Variants in PXDNL observed in about 807,000 individuals in gnomAD.
The protein encoded by PXDNL is probable oxidoreductase PXDNL.
In PXDNL, 145 loss-of-function variants were observed where a neutral mutation model predicts 150.8. The ratio of observed to expected loss-of-function variants is 0.96; its 90% CI spans 0.84 to 1.10. The LOEUF (loss-of-function observed/expected upper bound fraction) is 1.10, where lower values mean the gene tolerates loss of function less well. Among genes scored for constraint, PXDNL ranks in the 50% least tolerant of loss-of-function variants. The probability of loss-of-function intolerance (pLI) is 0.00; values close to 1 mark genes in which losing one functional copy is unlikely to be tolerated. For missense variants in PXDNL, 2,087 were observed against 1,873.9 expected (o/e 1.11, Z -2.10); for synonymous variants, 757 against 725.7 (o/e 1.04, Z -0.69).
chr8:51,400,648 A>T (rs1192328556), intron 17 of PXDNL, among the ~76,000 whole-genome samples: 1 of 152,110 alleles, frequency 6.6e-6, no homozygotes, highest in Non-Finnish European at 1.5e-5. Context: ...TTGCTCAGGC[A>T]TGTGTGTCTT....
At chr8:51,341,667 A>G (rs376055034) in intron 20 of PXDNL, among the ~76,000 whole-genome samples, 2 of 152,210 alleles carry the variant, frequency 1.3e-5, no homozygotes, top group African/African-American at 4.8e-5. Flanking sequence ...TCTGCCACTA[A>G]GAATCCAACT....
chr8:51,427,935 CTG>C (rs1809151841), intron 12 of PXDNL, among the ~76,000 whole-genome samples: 2 of 152,148 alleles, frequency 1.3e-5, no homozygotes, highest in Admixed American at 6.5e-5. Flanking sequence ...AGAGATAAAA[CTG>C]TCCCTATTTG....
intron 6 of PXDNL, among the ~76,000 whole-genome samples, chr8:51,479,036 AC>A (rs1810544139): frequency 6.6e-6 from 1 of 152,260 alleles, no homozygotes; most frequent in Non-Finnish European, 1.5e-5. Context: ...GCATACTGGC[AC>A]ATCACTGTAA....
At chr8:51,535,579 G>GCGGAAGGC (rs1812052430) in intron 4 of PXDNL, among the ~76,000 whole-genome samples, 1 of 129,424 alleles carries the variant, frequency 7.7e-6, no homozygotes, top group Non-Finnish European at 1.6e-5. Flanking sequence ...CACAAACACT[G>GCGGAAGGC]CGGAAGGCCG....
chr8:51,599,580 C>T (rs12114771), intron 2 of PXDNL, among the ~76,000 whole-genome samples: 5,278 of 148,034 alleles, frequency 0.036, 316 homozygotes, highest in African/African-American at 0.12. Context: ...GTATGAGTTG[C>T]TATTCTTATA....
intron 6 of PXDNL, among the ~76,000 whole-genome samples, chr8:51,479,133 G>A (rs1421914959): frequency 6.6e-6 from 1 of 152,164 alleles, no homozygotes; most frequent in African/African-American, 2.4e-5. Flanking sequence ...GTAAATGTAA[G>A]AGGAGGCTAG....
chr8:51,754,577 C>T (rs904640637), intron 1 of PXDNL, among the ~76,000 whole-genome samples: 19 of 152,014 alleles, frequency 1.2e-4, no homozygotes, highest in Admixed American at 8.5e-4. Flanking sequence ...GATCTCAGCT[C>T]ACTGCAAGCT....
chr8:51,372,921 G>C (rs1343251770), intron 18 of PXDNL, among the ~76,000 whole-genome samples: 1 of 151,994 alleles, frequency 6.6e-6, no homozygotes, highest in Non-Finnish European at 1.5e-5. Flanking sequence ...TCAATCCTTG[G>C]GTTCATTCAT....
intron 5 of PXDNL, among the ~76,000 whole-genome samples, chr8:51,490,533 C>T (rs1002204911): frequency 1.3e-5 from 2 of 150,934 alleles, no homozygotes; most frequent in African/African-American, 2.4e-5. Flanking sequence ...AAAATTAATG[C>T]CACAAGAATT....
At chr8:51,324,545 A>G (rs1256475220) in intron 21 of PXDNL, among the ~76,000 whole-genome samples, 1 of 152,178 alleles carries the variant, frequency 6.6e-6, no homozygotes, top group Non-Finnish European at 1.5e-5. Context: ...CTTTCTATCC[A>G]AGACCTGAAT....
At chr8:51,489,032 T>C (rs1810833303) in intron 5 of PXDNL, among the ~76,000 whole-genome samples, 1 of 152,176 alleles carries the variant, frequency 6.6e-6, no homozygotes, top group South Asian at 2.1e-4. Context: ...TGTTTTTATG[T>C]AGTAAATGTT....
chr8:51,468,989 A>G (rs1411299924), intron 8 of PXDNL, among the ~76,000 whole-genome samples: 3 of 151,978 alleles, frequency 2.0e-5, no homozygotes, highest in African/African-American at 7.2e-5. Flanking sequence ...TGCAAATCAC[A>G]TCTTTCTTAT....
chr8:51,478,956 T>C (rs1274815258), intron 6 of PXDNL, among the ~76,000 whole-genome samples: 1 of 152,188 alleles, frequency 6.6e-6, no homozygotes, highest in African/African-American at 2.4e-5. Context: ...TAAAGATAGT[T>C]TGTCAAAATA....
chr8:51,369,658 A>G (rs568304726), intron 19 of PXDNL, among the ~76,000 whole-genome samples: 1 of 152,066 alleles, frequency 6.6e-6, no homozygotes, highest in Admixed American at 6.6e-5. Flanking sequence ...TGCCATAAAA[A>G]AAAAAACACT....
intron 12 of PXDNL, among the ~76,000 whole-genome samples, chr8:51,434,135 A>G (rs1182367009): frequency 6.6e-6 from 1 of 152,176 alleles, no homozygotes; most frequent in Non-Finnish European, 1.5e-5. Context: ...CTTAGCTCCT[A>G]TCCATGAAGG....
intron 2 of PXDNL, among the ~76,000 whole-genome samples, chr8:51,636,834 G>T (rs1814613430): frequency 6.7e-6 from 1 of 150,088 alleles, no homozygotes; most frequent in Non-Finnish European, 1.5e-5. Context: ...TAGAAAACCT[G>T]TCCTGAGTAG....
At chr8:51,644,405 C>CATATGTGTGTGTATATATACACACAT (rs10685147) in intron 2 of PXDNL, among the ~76,000 whole-genome samples, 1 of 82,714 alleles carries the variant, frequency 1.2e-5, no homozygotes, top group Admixed American at 1.3e-4. Context: ...TATATATACA[C>CATATGTGTGTGTATATATACACACAT]ATGTGTGTGT....
intron 12 of PXDNL, among the ~76,000 whole-genome samples, chr8:51,443,768 A>G (rs1433688828): frequency 6.6e-6 from 1 of 152,232 alleles, no homozygotes; most frequent in African/African-American, 2.4e-5. Context: ...GAAGTCTATG[A>G]ATAAAATATT....
chr8:51,640,543 A>G (rs995469285), intron 2 of PXDNL, among the ~76,000 whole-genome samples: 1 of 152,212 alleles, frequency 6.6e-6, no homozygotes, highest in African/African-American at 2.4e-5. Flanking sequence ...AATCACAAGC[A>G]TTCTTACACA....
Sources: allele counts gnomAD v4.1 joint callset (sites outside exome capture counted in the v4.1 genomes callset), GRCh38; gene constraint gnomAD v4.1.1; transcripts MANE v1.5; gene names NCBI Gene and HGNC (gene_info 2026-07-23, HGNC 2026-07-21).